Variants in TANK observed in about 807,000 individuals in gnomAD.
TANK encodes the protein TRAF family member-associated NF-kappa-B activator.
TANK carries 15 observed loss-of-function variants against 43.6 expected under a neutral mutation model. The ratio of observed to expected loss-of-function variants is 0.34; its 90% CI spans 0.23 to 0.53. TANK has a LOEUF of 0.53. TANK is among the 20% of genes least tolerant of loss of function. TANK has a pLI of 0.94. For missense variants in TANK, 417 were observed against 498.6 expected (o/e 0.84, Z 1.56); for synonymous variants, 162 against 178.2 (o/e 0.91, Z 0.73).
In TANK at chr2:161,178,457, G is replaced by A. The variant is rs1390381290; in HGVS notation, c.-49-1157G>A. On this transcript the variant is annotated intron_variant, in intron 1 of 7. Transcript: ENST00000392749. ...TGCAGTGTCAAAAATAGACAAATTC[G>A]TAGAGACAAAAAAAAAAAAAGATTA... Among the ~76,000 whole-genome samples, 7 of 150,538 alleles carry A rather than the reference G, an allele frequency of 4.6e-5. No individual in the cohort carries two copies. The East Asian group carries it at 7.8e-4, about 17-fold the overall frequency.
chr2:161,215,380 C>T (rs1171640347), intron 4 of TANK, among the ~76,000 whole-genome samples: 5 of 152,170 alleles, frequency 3.3e-5, no homozygotes, highest in Non-Finnish European at 5.9e-5. Context: ...TTTTCACATA[C>T]ATTGGATAAT....
chr2:161,201,133 T>G (rs1209894765), intron 2 of TANK: 1 of 985,320 alleles, frequency 1.0e-6, no homozygotes. Context: ...TCTGTTTCCC[T>G]TACTATACTT....
intron 2 of TANK, chr2:161,201,144 C>G (rs906167825): frequency 3.0e-6 from 3 of 985,246 alleles, no homozygotes; most frequent in Middle Eastern, 5.2e-4. Flanking sequence ...TACTATACTT[C>G]CAGAGTGTTG....
intron 1 of TANK, among the ~76,000 whole-genome samples, chr2:161,151,110 T>C (rs1178276538): frequency 6.6e-6 from 1 of 152,248 alleles, no homozygotes; most frequent in Non-Finnish European, 1.5e-5. Context: ...TATTAACTTC[T>C]AGTTTCATTC....
chr2:161,150,598 T>A (rs1023573214), intron 1 of TANK, among the ~76,000 whole-genome samples: 10 of 141,552 alleles, frequency 7.1e-5, no homozygotes, highest in Admixed American at 6.8e-4. Flanking sequence ...TCTTTTTTTT[T>A]TTTTTTTTTT....
At position 161,200,342 on chromosome 2, in the gene TANK, C is replaced by T. The variant is rs1021168347; in HGVS notation, c.100-3145C>T. Reference sequence around the variant, plus strand: ...CTATGACTGTGCAACAATAATCTGACCTTGTAAAAGGACTTTTCTGGTTTT... The same window carrying T: ...CTATGACTGTGCAACAATAATCTGATCTTGTAAAAGGACTTTTCTGGTTTT... On this transcript the variant is annotated intron_variant, in intron 2 of 7. Coordinates refer to ENST00000392749, the MANE Select transcript of TANK (RefSeq NM_001199135.3). 7.1e-6 allele frequency: 7 copies of T among 984,294 alleles called. No homozygotes were observed. In the African/African-American group the frequency reaches 1.2e-4, roughly 17 times the overall value. The allele number at this position is 984,294 out of a possible 1,614,324, so 61.0% of individuals were successfully genotyped here. A position where few individuals can be genotyped will look rare whatever the true frequency, so the allele number is the denominator to read the frequency against.
chr2:161,235,336 C>T lies in TANK; in HGVS notation c.1102-6C>T, dbSNP rs201612760. On this transcript the variant is annotated splice_polypyrimidine_tract_variant and splice_region_variant and intron_variant, in intron 7 of 7. Transcript: ENST00000392749. ...AGTAACAGATATTTTTGTTTGTTTC[C>T]TGCAGCCCATTTGGAAGCCCTTTCC... The T allele has an allele frequency of 5.2e-5, 82 of 1,580,488 alleles. No homozygotes were observed. The highest frequency in any genetic ancestry group is 7.0e-5 in the Non-Finnish European group (81 of 1,164,534).
intron 2 of TANK, among the ~76,000 whole-genome samples, chr2:161,194,453 G>A (rs1686055269): frequency 6.6e-6 from 1 of 151,896 alleles, no homozygotes; most frequent in Admixed American, 6.6e-5. Flanking sequence ...AAAAGTGAAG[G>A]ATACATAATA....
In TANK at chr2:161,143,214, G is replaced by A. The variant is rs1472791246; in HGVS notation, c.-50+6151G>A. Among the ~76,000 whole-genome samples, 4 of 152,068 alleles carry A rather than the reference G, an allele frequency of 2.6e-5. No individual in the cohort carries two copies. In the East Asian group the frequency reaches 7.7e-4, roughly 29 times the overall value. On this transcript the variant is annotated intron_variant, in intron 1 of 7. Transcript: ENST00000259075. Reference sequence around the variant, plus strand: ...CTGAAGTTGCTTATTAGCTTAAGGAGGTTTGGGGCTGAGATTATGGGGTTT... The same window carrying A: ...CTGAAGTTGCTTATTAGCTTAAGGAAGTTTGGGGCTGAGATTATGGGGTTT...
intron 2 of TANK, among the ~76,000 whole-genome samples, chr2:161,183,004 A>G (rs918487146): frequency 2.0e-5 from 3 of 152,162 alleles, no homozygotes; most frequent in South Asian, 2.1e-4. Context: ...AGACTATAAC[A>G]AGAGTTGTGA....
chr2:161,168,973 G>T (rs1684822013), intron 1 of TANK, among the ~76,000 whole-genome samples: 1 of 152,222 alleles, frequency 6.6e-6, no homozygotes, highest in African/African-American at 2.4e-5. Flanking sequence ...CGTTAAGTCA[G>T]AGGGTAAAGA....
chr2:161,224,944 T>C (rs1687535986), intron 6 of TANK, among the ~76,000 whole-genome samples, 198 bp downstream of exon 6: 1 of 152,140 alleles, frequency 6.6e-6, no homozygotes, highest in Non-Finnish European at 1.5e-5. Context: ...TTTTTCTCTT[T>C]GTTGTATATG....
intron 1 of TANK, among the ~76,000 whole-genome samples, chr2:161,143,755 C>G (rs1267062): frequency 0.82 from 124,355 of 152,186 alleles, 50,968 homozygotes; most frequent in East Asian, 1. Flanking sequence ...ATGTTCATCA[C>G]AGATATTGGC....
rs917018335 is a variant in TANK at position 161,160,465 on chromosome 2, C to T, written c.-71C>T. On this transcript the variant is annotated 5_prime_UTR_variant, in exon 1 of 8. It adds an upstream start codon to the 5' untranslated region. Transcript: ENST00000392749. ...GCCGGCGACCTGAGGGGAGAGGGAA[C>T]GCAGCTGAAAGCGTGAACTGTGTGA... 4.0e-6 allele frequency: 5 copies of T among 1,238,176 alleles called. No individual in the cohort carries two copies. In the Admixed American group the frequency reaches 1.2e-4, roughly 31 times the overall value. The allele number at this position is 1,238,176 out of a possible 1,614,324, so 76.7% of individuals were successfully genotyped here.
At chr2:161,194,948 AGAAT>A (rs1467105907) in intron 2 of TANK, among the ~76,000 whole-genome samples, 1 of 152,118 alleles carries the variant, frequency 6.6e-6, no homozygotes, top group Admixed American at 6.5e-5. Context: ...TACTGGTATT[AGAAT>A]AAAAGTGCTC....
chr2:161,186,083 T>C (rs1470062262), intron 2 of TANK, among the ~76,000 whole-genome samples: 1 of 152,040 alleles, frequency 6.6e-6, no homozygotes, highest in African/African-American at 2.4e-5. Flanking sequence ...GGTGGGAGGA[T>C]TGCTTGAGCC....
chr2:161,206,558 T>G (rs1423002651), intron 4 of TANK, among the ~76,000 whole-genome samples: 2 of 152,148 alleles, frequency 1.3e-5, no homozygotes, highest in Non-Finnish European at 2.9e-5. Flanking sequence ...GTTCTCTTGG[T>G]ACCCCTTAGT....
intron 2 of TANK, among the ~76,000 whole-genome samples, chr2:161,184,718 G>A (rs1685580096): frequency 6.6e-6 from 1 of 152,140 alleles, no homozygotes; most frequent in African/African-American, 2.4e-5. Context: ...TGGATTAATG[G>A]TGGTGCTGAT....
At chr2:161,211,813 TTG>T (rs1686902360) in intron 4 of TANK, 1 of 985,296 alleles carries the variant, frequency 1.0e-6, no homozygotes, top group Admixed American at 6.2e-5. Flanking sequence ...AAAAACGTGT[TTG>T]TGTGTAGTAC....
Sources: gnomAD v4.1 joint callset for allele counts (sites outside exome capture counted in the v4.1 genomes callset) on GRCh38, gnomAD v4.1.1 for gene constraint, MANE v1.5 for transcripts, NCBI Gene and HGNC (gene_info 2026-07-23, HGNC 2026-07-21) for gene names.